PCDHGA2: variants seen among roughly 807,000 people sequenced by gnomAD.
PCDHGA2 encodes the protein protocadherin gamma-A2.
In PCDHGA2, 40 loss-of-function variants were observed where a neutral mutation model predicts 59.2. The observed-to-expected ratio is 0.68, with a 90% CI of 0.52 to 0.88. The LOEUF (loss-of-function observed/expected upper bound fraction) is 0.88, where lower values mean the gene tolerates loss of function less well. PCDHGA2 is among the 40% of genes least tolerant of loss of function. The probability of loss-of-function intolerance (pLI) is 0.00; values close to 1 mark genes in which losing one functional copy is unlikely to be tolerated. For missense variants in PCDHGA2, 1,226 were observed against 1,204.0 expected, an observed-to-expected ratio of 1.02 and a Z score of -0.27; for synonymous variants, 560 against 526.0, an observed-to-expected ratio of 1.06 and a Z score of -0.89.
chr5:141,339,351 A>G lies in PCDHGA2; in HGVS notation c.380A>G (p.Asn127Ser), dbSNP rs1756828822. Residue 127 changes from asparagine (N) to serine (S), a missense_variant, in exon 1 of 4, where the codon AAC (asparagine) becomes AGC (serine). Transcript: ENST00000394576. ...GTAGAGGTGGAAATAACAGATATTAACGATAATGCCCCTCGCTTTGGAGTA... is the reference window on the plus strand; with the variant it reads ...GTAGAGGTGGAAATAACAGATATTAGCGATAATGCCCCTCGCTTTGGAGTA... The part of the protein sequence containing the change: ...YSVEVEITDI[N>S]DNAPRFGVEE... The G allele has an allele frequency of 1.2e-6, 2 of 1,614,132 alleles. No individual in the cohort carries two copies. Among genetic ancestry groups the G allele is most frequent in the African/African-American group, 2.7e-5 (2 of 74,952 alleles).
rs764482722 is a variant in PCDHGA2 at position 141,432,066 on chromosome 5, C to T, written c.2425-62741C>T. 62 of 1,614,062 alleles carry T rather than the reference C, an allele frequency of 3.8e-5. No individual in the cohort carries two copies. The highest frequency in any genetic ancestry group is 5.2e-5 in the Non-Finnish European group (61 of 1,180,046). On this transcript the variant is annotated intron_variant, in intron 1 of 3. Coordinates refer to ENST00000394576, the MANE Select transcript of PCDHGA2 (RefSeq NM_018915.4). The surrounding 1 kb of genome is among the most constrained non-coding windows in gnomAD (Gnocchi z 6.0). ...GGAACCCCGCCCCTATCCACGGAAA[C>T]TCATATCTCGCTGAACGTGGCAGAC...
intron 1 of PCDHGA2, chr5:141,393,482 T>G (rs116240246): frequency 4.3e-6 from 7 of 1,614,070 alleles, no homozygotes; most frequent in Middle Eastern, 1.6e-4. Context: ...CGCCTCGCTC[T>G]AGCACAGTGC....
Position 141,489,092 on chromosome 5 carries a change from A to AATT in PCDHGA2, c.2425-5714_2425-5713insTTA. 2.9e-6 allele frequency: 1 copy of AATT among 348,332 alleles called. No individual in the cohort carries two copies. Among genetic ancestry groups the AATT allele is most frequent in the Non-Finnish European group, 4.7e-6 (1 of 214,538 alleles). 21.6% of individuals were successfully genotyped at this position (348,332 alleles called of 1,614,324 possible). A position where few individuals can be genotyped will look rare whatever the true frequency, so the allele number is the denominator to read the frequency against. On this transcript the variant is annotated intron_variant, in intron 1 of 3. Transcript: ENST00000394576. This position sits in a 1 kb window ranked among gnomAD's most constrained non-coding sequence, Gnocchi z 4.5. Reference sequence around the variant, plus strand: ...TGCCCACCCCCGCCACTCGGTGACTAAGAACTGCTGCAAGCAGGCAAACCT... The same window carrying AATT: ...TGCCCACCCCCGCCACTCGGTGACTAATTAGAACTGCTGCAAGCAGGCAAACCT...
chr5:141,426,970 A>G (rs772659046), intron 1 of PCDHGA2: 1 of 456,742 alleles, frequency 2.2e-6, no homozygotes. Context: ...ATTCAAATTG[A>G]GGTCACTGAT....
chr5:141,403,530 AG>A (rs1303990777), intron 1 of PCDHGA2: 2 of 1,613,988 alleles, frequency 1.2e-6, no homozygotes. Context: ...ATAAACCCAG[AG>A]CTGGTGCTGG....
intron 1 of PCDHGA2, chr5:141,410,752 G>GT: frequency 4.4e-6 from 5 of 1,130,822 alleles, no homozygotes; most frequent in Non-Finnish European, 5.8e-6. Context: ...TTTTCTCAAT[G>GT]TTTTTTCAAT....
chr5:141,360,110 G>C, intron 1 of PCDHGA2: 1 of 1,563,268 alleles, frequency 6.4e-7, no homozygotes, highest in Non-Finnish European at 8.7e-7. Flanking sequence ...TCCTCCTATG[G>C]GCAAAGGAGC....
At position 141,355,048 on chromosome 5, in the gene PCDHGA2, G is replaced by T. The variant is rs1282069434; in HGVS notation, c.2424+13653G>T. 2.6e-6 allele frequency: 3 copies of T among 1,161,006 alleles called. No homozygotes were observed. The South Asian group carries it at 5.4e-5, about 21-fold the overall frequency. The allele number at this position is 1,161,006 out of a possible 1,614,324, so 71.9% of individuals were successfully genotyped here. A position where few individuals can be genotyped will look rare whatever the true frequency, so the allele number is the denominator to read the frequency against. On this transcript the variant is annotated intron_variant, in intron 1 of 3. Transcript: ENST00000394576. ...AATCACAAGATTTCTGCAGCACAAAGCACTGGCTCTGGAGCTTTATGAAAG... is the reference window on the plus strand; with the variant it reads ...AATCACAAGATTTCTGCAGCACAAATCACTGGCTCTGGAGCTTTATGAAAG...
At chr5:141,347,137 CTCTTTCTTTCTTTCTTTCTTTCTT>C (rs70988799) in intron 1 of PCDHGA2, among the ~76,000 whole-genome samples, 10 of 113,744 alleles carry the variant, frequency 8.8e-5, no homozygotes, top group African/African-American at 2.7e-4. Context: ...CTCTGTTTCT[CTCTTTCTTTCTTTCTTTCTTTCTT>C]TCTTTCTTTC....
chr5:141,468,599 G>C (rs1055715232), intron 1 of PCDHGA2: 7 of 152,236 alleles, frequency 4.6e-5, no homozygotes, highest in African/African-American at 1.4e-4. Flanking sequence ...GGGCGCGGTG[G>C]CTCACGCCTG....
At chr5:141,393,971 A>G (rs769025757) in intron 1 of PCDHGA2, 3 of 1,613,904 alleles carry the variant, frequency 1.9e-6, no homozygotes, top group Non-Finnish European at 2.5e-6. Flanking sequence ...TCTGTTACAC[A>G]CGTGATAATT....
At chr5:141,352,775 AG>A in intron 1 of PCDHGA2, 2 of 1,188,828 alleles carry the variant, frequency 1.7e-6, no homozygotes, top group Non-Finnish European at 2.3e-6. Flanking sequence ...GGATCACTTG[AG>A]GTCAGGAGTT....
intron 1 of PCDHGA2, chr5:141,423,848 G>A: frequency 1.6e-6 from 2 of 1,277,462 alleles, no homozygotes; most frequent in Non-Finnish European, 2.0e-6. Flanking sequence ...TAATCTTTCA[G>A]AACGTTTTTG....
At chr5:141,355,525 C>G (rs372880202) in intron 1 of PCDHGA2, 3 of 1,613,910 alleles carry the variant, frequency 1.9e-6, no homozygotes, top group African/African-American at 2.7e-5. Flanking sequence ...CCTGGAGATT[C>G]TTCTAGAAGA....
rs375524878 is a variant in PCDHGA2, at chr5:141,350,770, C to T, written c.2424+9375C>T. Reference sequence around the variant, plus strand: ...ATTCACTGAAGTTATACACCATCAACCCCAATCAATACTTCTCTCTGTCAA... The same window carrying T: ...ATTCACTGAAGTTATACACCATCAATCCCAATCAATACTTCTCTCTGTCAA... On this transcript the variant is annotated intron_variant, in intron 1 of 3. Coordinates refer to ENST00000394576, the MANE Select transcript of PCDHGA2 (RefSeq NM_018915.4). The T allele has an allele frequency of 1.1e-4, 177 of 1,613,924 alleles. No individual in the cohort carries two copies. The African/African-American group carries it at 2.2e-3, about 20-fold the overall frequency.
rs769467027 is a variant in PCDHGA2, at chr5:141,477,255, A to G, written c.2425-17552A>G. On this transcript the variant is annotated intron_variant, in intron 1 of 3. Transcript: ENST00000394576. This position sits in a 1 kb window ranked among gnomAD's most constrained non-coding sequence, Gnocchi z 4.9. ...GCTTTGCTCAGTGTGACTGACCTGGATGCTGGCGAGAACGGGCTGGTGACC... is the reference window on the plus strand; with the variant it reads ...GCTTTGCTCAGTGTGACTGACCTGGGTGCTGGCGAGAACGGGCTGGTGACC... 1 of 1,614,146 alleles carries G rather than the reference A, an allele frequency of 6.2e-7. No individual in the cohort carries two copies. Among genetic ancestry groups the G allele is most frequent in the East Asian group, 2.2e-5 (1 of 44,874 alleles).
intron 1 of PCDHGA2, chr5:141,361,685 AGCGCGCCTTCGATCATGAGCAGCT>A (rs772108372): frequency 1.1e-5 from 18 of 1,613,452 alleles, no homozygotes; most frequent in Non-Finnish European, 1.4e-5. Context: ...GTGTTCGCGC[AGCGCGCCTTCGATCATGAGCAGCT>A]GCGCGCCTTC....
Position 141,345,346 on chromosome 5 carries a change from T to A in PCDHGA2, c.2424+3951T>A, listed in dbSNP as rs1480265010. 1.9e-6 allele frequency: 3 copies of A among 1,613,880 alleles called. No individual in the cohort carries two copies. In the Admixed American group the frequency reaches 5.0e-5, roughly 27 times the overall value. On this transcript the variant is annotated intron_variant, in intron 1 of 3. Coordinates refer to ENST00000394576, the MANE Select transcript of PCDHGA2 (RefSeq NM_018915.4). Reference sequence around the variant, plus strand: ...CCGCCACTGTCCACAGAAACTCACATCACCCTGCATGTGATTGACATCAAT... The same window carrying A: ...CCGCCACTGTCCACAGAAACTCACAACACCCTGCATGTGATTGACATCAAT...
At chr5:141,368,558 T>C (rs2149928409) in intron 1 of PCDHGA2, among the ~76,000 whole-genome samples, 1 of 152,140 alleles carries the variant, frequency 6.6e-6, no homozygotes, top group East Asian at 1.9e-4. Context: ...TAAAAGAAAA[T>C]GTTATATGCT....
Sources: gnomAD v4.1 joint callset for allele counts (sites outside exome capture counted in the v4.1 genomes callset) on GRCh38, gnomAD v4.1.1 for gene constraint, Gnocchi (gnomAD v3.1) non-coding constraint, MANE v1.5 for transcripts, NCBI Gene and HGNC (gene_info 2026-07-23, HGNC 2026-07-21) for gene names.